FOXK1: variants seen among roughly 807,000 people sequenced by gnomAD.
FOXK1 encodes the protein forkhead box protein K1.
A neutral mutation model predicts 51.9 loss-of-function variants in FOXK1; 19 were observed. That is an observed-to-expected ratio of 0.37 (90% CI 0.26 to 0.54). The LOEUF is 0.54. Among genes scored for constraint, FOXK1 ranks in the 20% least tolerant of loss-of-function variants. The pLI is 0.87. For synonymous variants in FOXK1, 537 were observed against 482.6 expected, an observed-to-expected ratio of 1.11 and a Z score of -1.48; for missense variants, 870 against 1,032.7, an observed-to-expected ratio of 0.84 and a Z score of 2.16.
In FOXK1 at chr7:4,748,383, T is replaced by G. The variant is rs1420699142; in HGVS notation, c.747-6076T>G. Among the ~76,000 whole-genome samples the G allele has an allele frequency of 2.0e-5, 3 of 152,230 alleles. No homozygotes were observed. Among genetic ancestry groups the G allele is most frequent in the Non-Finnish European group, 4.4e-5 (3 of 68,030 alleles). On this transcript the variant is annotated intron_variant, in intron 2 of 8. Coordinates refer to ENST00000328914, the MANE Select transcript of FOXK1 (RefSeq NM_001037165.2). This position sits in a 1 kb window ranked among gnomAD's most constrained non-coding sequence, Gnocchi z 4.9. ...GTTACATCATCATGTCTGGTTTACC[T>G]TGCATGAGCGTTTTCTGTATTAGAA...
chr7:4,755,188 A>T lies in FOXK1; in HGVS notation c.904-49A>T. 6.3e-7 allele frequency: 1 copy of T among 1,597,720 alleles called. No homozygotes were observed. The highest frequency in any genetic ancestry group is 8.6e-7 in the Non-Finnish European group (1 of 1,169,062). On this transcript the variant is annotated intron_variant, in intron 3 of 8. Coordinates refer to ENST00000328914, the MANE Select transcript of FOXK1 (RefSeq NM_001037165.2). The surrounding 1 kb of genome is among the most constrained non-coding windows in gnomAD (Gnocchi z 6.6). ...CAGCTGTGACGGGTGGGTGGGGTAG[A>T]CTCAGGGACCTTGCTGGAGCTCATC...
At chr7:4,691,267 A>G (rs1779887594) in intron 1 of FOXK1, among the ~76,000 whole-genome samples, 1 of 152,188 alleles carries the variant, frequency 6.6e-6, no homozygotes, top group South Asian at 2.1e-4. Flanking sequence ...TAACAGTTTC[A>G]TCATTAAATC....
intron 3 of FOXK1, 53 bp downstream of exon 3, chr7:4,754,668 A>G (rs762551782): frequency 6.4e-7 from 1 of 1,569,080 alleles, no homozygotes; most frequent in Non-Finnish European, 8.6e-7. Flanking sequence ...ATCGGGCCAT[A>G]GTGACCCGGC....
intron 3 of FOXK1, chr7:4,754,891 G>A (rs193302668): frequency 2.2e-4 from 129 of 582,080 alleles, no homozygotes; most frequent in African/African-American, 2.1e-3. Context: ...CTGGCAGCCC[G>A]GCGTCAAAGC....
At position 4,765,900 on chromosome 7, in the gene FOXK1, C is replaced by T. The variant is rs1392281778; in HGVS notation, c.*3436C>T. 3 of 152,182 alleles carry T rather than the reference C, an allele frequency of 2.0e-5. No homozygotes were observed. The highest frequency in any genetic ancestry group is 6.5e-5 in the Admixed American group (1 of 15,282). The allele number at this position is 152,182 out of a possible 1,614,324, so 9.4% of individuals were successfully genotyped here. A position where few individuals can be genotyped will look rare whatever the true frequency, so the allele number is the denominator to read the frequency against. ...AGTGGGGAAGCAGGGCCTGAGCGTC[C>T]CCAGGCTGCTAGGGCAGCAGCTGGC... On this transcript the variant is annotated 3_prime_UTR_variant, in exon 9 of 9. Transcript: ENST00000328914.
rs1292880104 is a variant in FOXK1 at position 4,730,242 on chromosome 7, ACACACCACG to A, written c.561-10589_561-10581del. On this transcript the variant is annotated intron_variant, in intron 1 of 8. Coordinates refer to ENST00000328914, the MANE Select transcript of FOXK1 (RefSeq NM_001037165.2). This position sits in a 1 kb window ranked among gnomAD's most constrained non-coding sequence, Gnocchi z 4.7. Reference sequence around the variant, plus strand: ...AAACTGCTACCGGGTTTTAATTCACACACACCACGCACACCCCCACATTGTTGTCACTGC... The same window carrying A: ...AAACTGCTACCGGGTTTTAATTCACACACACCCCCACATTGTTGTCACTGC... 1.3e-5 allele frequency among the ~76,000 whole-genome samples: 2 copies of A among 152,196 alleles called. No homozygotes were observed. The highest frequency in any genetic ancestry group is 1.3e-4 in the Admixed American group (2 of 15,286).
chr7:4,686,712 G>A (rs949688477), intron 1 of FOXK1, among the ~76,000 whole-genome samples: 1 of 152,138 alleles, frequency 6.6e-6, no homozygotes, highest in African/African-American at 2.4e-5. Context: ...TGCAACAACT[G>A]GGTTCTGTTT....
At chr7:4,696,717 C>T (rs1378807965) in intron 1 of FOXK1, among the ~76,000 whole-genome samples, 1 of 152,182 alleles carries the variant, frequency 6.6e-6, no homozygotes, top group African/African-American at 2.4e-5. Flanking sequence ...ATAGATAAAC[C>T]CCAAAACCTT....
chr7:4,686,955 C>A (rs1159334611), intron 1 of FOXK1, among the ~76,000 whole-genome samples: 2 of 144,720 alleles, frequency 1.4e-5, no homozygotes, highest in African/African-American at 2.7e-5. Context: ...TTTTTTGAGA[C>A]AGAGTCTTGC....
Position 4,682,841 on chromosome 7 carries a change from G to C in FOXK1, c.533G>C (p.Gly178Ala). ...GTGGACGGGGCCTTCCAGAGACGCG[G>C]CGCGCCCGCCCTGCAGCTGCCCAAG... ...VFVDGAFQRR[G>A]APALQLPKQC... The change falls in exon 1 of 9, where the codon GGC becomes GCC. Residue 178 changes from glycine to alanine, a missense_variant. Transcript: ENST00000328914. This position sits in a 1 kb window ranked among gnomAD's most constrained non-coding sequence, Gnocchi z 7.6. 6.4e-7 allele frequency: 1 copy of C among 1,563,766 alleles called. No homozygotes were observed.
intron 7 of FOXK1, among the ~76,000 whole-genome samples, chr7:4,760,216 G>A (rs1006616469): frequency 6.6e-6 from 1 of 152,130 alleles, no homozygotes; most frequent in African/African-American, 2.4e-5. Context: ...TGTTCTTTTC[G>A]ACTCCCTCGT....
intron 1 of FOXK1, among the ~76,000 whole-genome samples, chr7:4,712,238 G>T (rs549397259): frequency 6.6e-6 from 1 of 151,984 alleles, no homozygotes; most frequent in Non-Finnish European, 1.5e-5. Context: ...AGCATCTCCC[G>T]CCTCGGTGCA....
rs576148868 is a variant in FOXK1, at chr7:4,715,923, G to C, written c.561-24915G>C. The stretch of plus-strand genomic sequence containing the variant: ...TTGGCCACCAATATCTGCTGTCTGT[G>C]CTTAAAGGATCAAAAATGCAGACCT... On this transcript the variant is annotated intron_variant, in intron 1 of 8. Coordinates refer to ENST00000328914, the MANE Select transcript of FOXK1 (RefSeq NM_001037165.2). The surrounding 1 kb of genome is among the most constrained non-coding windows in gnomAD (Gnocchi z 4.5). Among the ~76,000 whole-genome samples, 1 of 152,336 alleles carries C rather than the reference G, an allele frequency of 6.6e-6. No homozygotes were observed. The highest frequency in any genetic ancestry group is 2.4e-5 in the African/African-American group (1 of 41,566).
intron 1 of FOXK1, among the ~76,000 whole-genome samples, chr7:4,684,435 G>A (rs899146178): frequency 6.6e-6 from 1 of 152,166 alleles, no homozygotes; most frequent in Non-Finnish European, 1.5e-5. Flanking sequence ...CATCAACAAT[G>A]ACTCACTCCC....
At position 4,761,868 on chromosome 7, in the gene FOXK1, C is replaced by A. The variant is rs529037785; in HGVS notation, c.1922-316C>A. 4.6e-5 allele frequency among the ~76,000 whole-genome samples: 7 copies of A among 151,794 alleles called. No individual in the cohort carries two copies. The highest frequency in any genetic ancestry group is 1.7e-4 in the African/African-American group (7 of 41,264). On this transcript the variant is annotated intron_variant, in intron 8 of 8. Coordinates refer to ENST00000328914, the MANE Select transcript of FOXK1 (RefSeq NM_001037165.2). The surrounding 1 kb of genome is among the most constrained non-coding windows in gnomAD (Gnocchi z 6.2). ...GGGTGCAGGGTACCAGGGCACCGGG[C>A]GCATTGTCAGTGGGGTGGCTCAGGG...
Position 4,749,562 on chromosome 7 carries a change from G to C in FOXK1, c.747-4897G>C, listed in dbSNP as rs1780749038. On this transcript the variant is annotated intron_variant, in intron 2 of 8. Transcript: ENST00000328914. This position sits in a 1 kb window ranked among gnomAD's most constrained non-coding sequence, Gnocchi z 6.0. ...CCACTGCCCACAAGGCTCCGTCGCA[G>C]CTCCTTCCTCCAGCCCCTCCAGGCG... Among the ~76,000 whole-genome samples, 1 of 152,192 alleles carries C rather than the reference G, an allele frequency of 6.6e-6. No individual in the cohort carries two copies. Among genetic ancestry groups the C allele is most frequent in the Admixed American group, 6.5e-5 (1 of 15,278 alleles).
rs914451507 is a variant in FOXK1, at chr7:4,702,812, G to A, written c.560+19944G>A. ...GTGGGTGTAGCCCCCCATCCTGGACGGGGCCTTGACGGGGCCTCTGGCCTC... is the reference window on the plus strand; with the variant it reads ...GTGGGTGTAGCCCCCCATCCTGGACAGGGCCTTGACGGGGCCTCTGGCCTC... On this transcript the variant is annotated intron_variant, in intron 1 of 8. Transcript: ENST00000328914. Among the ~76,000 whole-genome samples the A allele has an allele frequency of 4.6e-5, 7 of 152,212 alleles. 1 individual carries two copies. Among genetic ancestry groups the A allele is most frequent in the Admixed American group, 3.3e-4 (5 of 15,274 alleles).
At chr7:4,688,198 A>G (rs1779844539) in intron 1 of FOXK1, among the ~76,000 whole-genome samples, 1 of 148,772 alleles carries the variant, frequency 6.7e-6, no homozygotes, top group Non-Finnish European at 1.5e-5. Context: ...CTTTAGAAGC[A>G]AATCACAGAT....
chr7:4,709,549 C>T lies in FOXK1; in HGVS notation c.560+26681C>T, dbSNP rs1475000311. ...CGTGACCGGGGCAGGCGGACCTTCTCCGGGAGCCCTGTGCACAGTTGGCTT... is the reference window on the plus strand; with the variant it reads ...CGTGACCGGGGCAGGCGGACCTTCTTCGGGAGCCCTGTGCACAGTTGGCTT... On this transcript the variant is annotated intron_variant, in intron 1 of 8. Coordinates refer to ENST00000328914, the MANE Select transcript of FOXK1 (RefSeq NM_001037165.2). This position sits in a 1 kb window ranked among gnomAD's most constrained non-coding sequence, Gnocchi z 5.6. 1.3e-5 allele frequency among the ~76,000 whole-genome samples: 2 copies of T among 152,196 alleles called. No individual in the cohort carries two copies. The highest frequency in any genetic ancestry group is 6.5e-5 in the Admixed American group (1 of 15,276).
Sources: gnomAD v4.1 joint callset for allele counts (sites outside exome capture counted in the v4.1 genomes callset) on GRCh38, gnomAD v4.1.1 for gene constraint, Gnocchi (gnomAD v3.1) non-coding constraint, MANE v1.5 for transcripts, NCBI Gene and HGNC (gene_info 2026-07-23, HGNC 2026-07-21) for gene names.